Variants in POLR3E observed in about 807,000 individuals in gnomAD.
POLR3E encodes DNA-directed RNA polymerase III subunit RPC5.
In POLR3E, 41 loss-of-function variants were observed where a neutral mutation model predicts 96.6. The observed-to-expected ratio is 0.42, with a 90% CI of 0.33 to 0.55. The LOEUF (loss-of-function observed/expected upper bound fraction) is 0.55. POLR3E is among the 20% of genes least tolerant of loss of function. POLR3E has a pLI of 0.06. For missense variants in POLR3E, 849 were observed against 952.1 expected (o/e 0.89, Z 1.43); for synonymous variants, 396 against 383.6 (o/e 1.03, Z -0.38).
intron 1 of POLR3E, among the ~76,000 whole-genome samples, chr16:22,297,792 G>A (rs2047925943): frequency 6.6e-6 from 1 of 152,250 alleles, no homozygotes; most frequent in South Asian, 2.1e-4. Context: ...TCAGGGTCCA[G>A]CCGACCTGCC....
At chr16:22,316,467 T>C in intron 9 of POLR3E, 134 bp from the exon 10 acceptor site, 1 of 658,924 alleles carries the variant, frequency 1.5e-6, no homozygotes, top group Non-Finnish European at 2.7e-6. Context: ...TCAGAGGCCT[T>C]GGGTGCCGTG....
intron 20 of POLR3E, among the ~76,000 whole-genome samples, chr16:22,332,963 C>CT (rs2048771864): frequency 7.4e-6 from 1 of 135,680 alleles, no homozygotes; most frequent in African/African-American, 2.9e-5. Flanking sequence ...ATTTCGTAGA[C>CT]CCCCTTTTTT....
rs1233739805 is a variant in POLR3E, at chr16:22,314,064, T to A, written c.473-15T>A. The A allele has an allele frequency of 6.2e-7, 1 of 1,612,772 alleles. No homozygotes were observed. The highest frequency in any genetic ancestry group is 8.5e-7 in the Non-Finnish European group (1 of 1,178,872). ...GCTCCCCAGGACTGCAGTCAGTGGCTTGTCTCTCTTGCAGCAGGGGACTCT... is the reference window on the plus strand; with the variant it reads ...GCTCCCCAGGACTGCAGTCAGTGGCATGTCTCTCTTGCAGCAGGGGACTCT... On this transcript the variant is annotated splice_polypyrimidine_tract_variant and intron_variant, in intron 7 of 20. Coordinates refer to ENST00000299853, the MANE Select transcript of POLR3E (RefSeq NM_018119.4).
chr16:22,303,082 G>A (rs2048060658), intron 2 of POLR3E, 78 bp downstream of exon 2: 4 of 1,284,800 alleles, frequency 3.1e-6, no homozygotes, highest in Non-Finnish European at 4.5e-6. Flanking sequence ...CCTCAGGCCA[G>A]TCTGGGACCT....
intron 2 of POLR3E, among the ~76,000 whole-genome samples, chr16:22,304,402 A>AG: frequency 6.6e-6 from 1 of 152,140 alleles, no homozygotes; most frequent in Admixed American, 6.5e-5. Context: ...GAGTTACAAC[A>AG]GGGGGGTTGG....
rs148982763 is a variant in POLR3E at position 22,330,452 on chromosome 16, T to C, written c.1945-1608T>C. 9.9e-4 allele frequency among the ~76,000 whole-genome samples: 151 copies of C among 152,346 alleles called. 2 individuals are homozygous for C. The highest frequency in any genetic ancestry group is 2.8e-3 in the African/African-American group (116 of 41,570). ...ACAGAATGAACTGAAAATCTATCCA[T>C]TGTAGAGCCAAACATCAGTAATATA... On this transcript the variant is annotated intron_variant, in intron 19 of 20. Coordinates refer to ENST00000299853, the MANE Select transcript of POLR3E (RefSeq NM_018119.4).
chr16:22,330,478 CTAT>C (rs1464351140), intron 19 of POLR3E, among the ~76,000 whole-genome samples: 1 of 152,182 alleles, frequency 6.6e-6, no homozygotes, highest in East Asian at 1.9e-4. Context: ...CAGTAATATA[CTAT>C]GATTGCATTT....
chr16:22,326,086 G>A lies in POLR3E; in HGVS notation c.1674G>A (p.Val558=), dbSNP rs1165464022. ...CCCAGGGCTGCGCCAGCACCCCTGTGGCTCGGGAACTGAAGGCCTTCGTGG... is the reference window on the plus strand; with the variant it reads ...CCCAGGGCTGCGCCAGCACCCCTGTAGCTCGGGAACTGAAGGCCTTCGTGG... ...HPPQGCASTP[V]ARELKAFVEA... The change falls in exon 18 of 21, where the codon GTG becomes GTA. Residue 558 remains valine, a synonymous_variant. Coordinates refer to ENST00000299853, the MANE Select transcript of POLR3E (RefSeq NM_018119.4). 1 of 1,613,292 alleles carries A rather than the reference G, an allele frequency of 6.2e-7. No homozygotes were observed.
At chr16:22,302,883 A>G (rs555746095) in intron 1 of POLR3E, 48 bp from the exon 2 acceptor site, 109 of 1,268,608 alleles carry the variant, frequency 8.6e-5, no homozygotes, top group Non-Finnish European at 1.3e-4. Context: ...GCACAAGGAA[A>G]TGTTGGTTGA....
At chr16:22,321,993 G>A (rs1452651722) in intron 13 of POLR3E, among the ~76,000 whole-genome samples, 2 of 152,234 alleles carry the variant, frequency 1.3e-5, no homozygotes, top group African/African-American at 2.4e-5. Context: ...CCTGGGGATG[G>A]CGGCTGTTAC....
Position 22,325,134 on chromosome 16 carries a change from T to G in POLR3E, c.1287-71T>G, listed in dbSNP as rs1598270799. 7.7e-6 allele frequency: 9 copies of G among 1,163,108 alleles called. No homozygotes were observed. The East Asian group carries it at 1.9e-4, about 24-fold the overall frequency. 72.0% of individuals were successfully genotyped at this position (1,163,108 alleles called of 1,614,324 possible). ...CCAGCGTGTCCTGGGGCCTAAGGGG[T>G]GGTTGTTTCTCTTGTGAAGCAGATG... On this transcript the variant is annotated intron_variant, in intron 16 of 20. Coordinates refer to ENST00000299853, the MANE Select transcript of POLR3E (RefSeq NM_018119.4).
chr16:22,324,234 A>T (rs958804858), intron 14 of POLR3E, 120 bp from the exon 15 acceptor site: 18 of 741,142 alleles, frequency 2.4e-5, no homozygotes, highest in Admixed American at 4.5e-5. Flanking sequence ...GGGAAGAATC[A>T]AGGCCAGGAG....
chr16:22,313,831 C>A lies in POLR3E; in HGVS notation c.472+104C>A. The A allele has an allele frequency of 1.2e-6, 1 of 809,446 alleles. No homozygotes were observed. The highest frequency in any genetic ancestry group is 2.0e-6 in the Non-Finnish European group (1 of 492,538). The allele number at this position is 809,446 out of a possible 1,614,324, so 50.1% of individuals were successfully genotyped here. On this transcript the variant is annotated intron_variant, in intron 7 of 20. Transcript: ENST00000299853. The surrounding 1 kb of genome is among the most constrained non-coding windows in gnomAD (Gnocchi z 4.1). ...GATGATAGGATGTTTAGCAGGATCC[C>A]TGGCCTCTACCTACTAGATGCCAGA...
At chr16:22,323,739 A>G (rs996288232) in intron 14 of POLR3E, among the ~76,000 whole-genome samples, 1 of 152,118 alleles carries the variant, frequency 6.6e-6, no homozygotes, top group African/African-American at 2.4e-5. Flanking sequence ...GTTTGCCCCC[A>G]GCTGCCCCTG....
chr16:22,307,514 A>G (rs1187227733), intron 3 of POLR3E, among the ~76,000 whole-genome samples: 2 of 152,192 alleles, frequency 1.3e-5, no homozygotes, highest in East Asian at 3.9e-4. Context: ...GGGACAGTGT[A>G]CTGTGAGGAC....
Position 22,315,187 on chromosome 16 carries a change from C to T in POLR3E, c.621C>T (p.His207=), listed in dbSNP as rs752187281. Residue 207 remains histidine (H), a synonymous_variant, in exon 9 of 21, where the codon CAC becomes CAT. Transcript: ENST00000299853. ...AGCACGCAGAGGAGCCCTGGGTCCACCTGCATTACTATGGCCTGAGGGTGA... is the reference window on the plus strand; with the variant it reads ...AGCACGCAGAGGAGCCCTGGGTCCATCTGCATTACTATGGCCTGAGGGTGA... ...QKKHAEEPWV[H]LHYYGLRDSR... The T allele has an allele frequency of 1.9e-6, 3 of 1,598,818 alleles. No homozygotes were observed. Among genetic ancestry groups the T allele is most frequent in the Admixed American group, 3.5e-5 (2 of 57,520 alleles).
rs1258970897 is a variant in POLR3E at position 22,322,843 on chromosome 16, T to C, written c.987-7T>C. ...GACTGACCTGCCATCCTCACCTGCA[T>C]TGGCAGTGACATCCTATACCCCAAG... is the stretch of plus-strand genomic sequence containing the variant. On this transcript the variant is annotated splice_polypyrimidine_tract_variant and splice_region_variant and intron_variant, in intron 13 of 20. Coordinates refer to ENST00000299853, the MANE Select transcript of POLR3E (RefSeq NM_018119.4). This position sits in a 1 kb window ranked among gnomAD's most constrained non-coding sequence, Gnocchi z 5.2. 10 of 1,607,024 alleles carry C rather than the reference T, an allele frequency of 6.2e-6. No homozygotes were observed. Among genetic ancestry groups the C allele is most frequent in the South Asian group, 1.1e-5 (1 of 90,922 alleles).
At position 22,313,929 on chromosome 16, in the gene POLR3E, T is replaced by C. The variant is rs2048300203; in HGVS notation, c.473-150T>C. 1 of 746,160 alleles carries C rather than the reference T, an allele frequency of 1.3e-6. No individual in the cohort carries two copies. The highest frequency in any genetic ancestry group is 1.7e-5 in the African/African-American group (1 of 57,688). 46.2% of individuals were successfully genotyped at this position (746,160 alleles called of 1,614,324 possible). A position where few individuals can be genotyped will look rare whatever the true frequency, so the allele number is the denominator to read the frequency against. Reference sequence around the variant, plus strand: ...TATCCCCAGGGTAAAGGGGCAAAACTGTCCCCGATTGAGAACCACTGGCTT... The same window carrying C: ...TATCCCCAGGGTAAAGGGGCAAAACCGTCCCCGATTGAGAACCACTGGCTT... On this transcript the variant is annotated intron_variant, in intron 7 of 20. Coordinates refer to ENST00000299853, the MANE Select transcript of POLR3E (RefSeq NM_018119.4). This position sits in a 1 kb window ranked among gnomAD's most constrained non-coding sequence, Gnocchi z 4.1.
In POLR3E at chr16:22,333,704, T is replaced by G; in HGVS notation, c.*4T>G. The G allele has an allele frequency of 6.2e-7, 1 of 1,600,298 alleles. No homozygotes were observed. Among genetic ancestry groups the G allele is most frequent in the Non-Finnish European group, 8.6e-7 (1 of 1,167,422 alleles). On this transcript the variant is annotated 3_prime_UTR_variant, in exon 21 of 21. Transcript: ENST00000299853. ...TAAAGGGACAGTACAGTCTTGACAATAGTAGCAAACTACTAACCCAGCAAA... is the reference window on the plus strand; with the variant it reads ...TAAAGGGACAGTACAGTCTTGACAAGAGTAGCAAACTACTAACCCAGCAAA...
Sources: gnomAD v4.1 joint callset for allele counts (sites outside exome capture counted in the v4.1 genomes callset) on GRCh38, gnomAD v4.1.1 for gene constraint, Gnocchi (gnomAD v3.1) non-coding constraint, MANE v1.5 for transcripts, NCBI Gene and HGNC (gene_info 2026-07-23, HGNC 2026-07-21) for gene names.